RASAL2: variants seen among roughly 807,000 people sequenced by gnomAD.
RASAL2 encodes the protein RAS protein activator like 2.
RASAL2 carries 58 observed loss-of-function variants against 128.9 expected under a neutral mutation model. The observed-to-expected ratio is 0.45, with a 90% CI of 0.36 to 0.56. The LOEUF (loss-of-function observed/expected upper bound fraction) is 0.56, where lower values mean the gene tolerates loss of function less well. Among genes scored for constraint, RASAL2 ranks in the 20% least tolerant of loss-of-function variants. The pLI is 0.00. For missense variants in RASAL2, 1,360 were observed against 1,601.6 expected, an observed-to-expected ratio of 0.85 and a Z score of 2.57; for synonymous variants, 561 against 580.8, an observed-to-expected ratio of 0.97 and a Z score of 0.49.
chr1:178,144,976 G>A (rs1319776214), intron 1 of RASAL2, among the ~76,000 whole-genome samples: 2 of 152,158 alleles, frequency 1.3e-5, no homozygotes, highest in Non-Finnish European at 2.9e-5. Context: ...GATGTAGTAA[G>A]TTTAACATCT....
intron 3 of RASAL2, among the ~76,000 whole-genome samples, chr1:178,343,277 A>T (rs150893127): frequency 6.6e-6 from 1 of 152,208 alleles, no homozygotes; most frequent in African/African-American, 2.4e-5. Context: ...CCTCTCGGCT[A>T]TATCGGAAAC....
intron 5 of RASAL2, among the ~76,000 whole-genome samples, chr1:178,429,105 C>T (rs1437273950): frequency 6.6e-6 from 1 of 152,046 alleles, no homozygotes; most frequent in Non-Finnish European, 1.5e-5. Flanking sequence ...GTTTCATTGA[C>T]TCTGACAGAT....
intron 1 of RASAL2, among the ~76,000 whole-genome samples, chr1:178,157,111 A>G (rs1285368106): frequency 1.3e-5 from 2 of 152,160 alleles, no homozygotes; most frequent in Admixed American, 6.5e-5. Context: ...AAAACATTAT[A>G]TATTGACTTC....
chr1:178,288,891 T>A (rs939369927), intron 2 of RASAL2, among the ~76,000 whole-genome samples: 135 of 152,130 alleles, frequency 8.9e-4, no homozygotes, highest in African/African-American at 3.1e-3. Flanking sequence ...CCTCAGGTGA[T>A]CCACCCGCCT....
intron 3 of RASAL2, among the ~76,000 whole-genome samples, chr1:178,361,220 C>T (rs779104466): frequency 6.6e-6 from 1 of 152,058 alleles, no homozygotes; most frequent in Non-Finnish European, 1.5e-5. Flanking sequence ...TGTCCAACTA[C>T]AGCCGAATTT....
chr1:178,120,143 C>T (rs931941770), intron 1 of RASAL2, among the ~76,000 whole-genome samples: 4 of 152,126 alleles, frequency 2.6e-5, no homozygotes, highest in East Asian at 1.9e-4. Context: ...CTCCATGTGG[C>T]GAAGCAGTGT....
intron 1 of RASAL2, among the ~76,000 whole-genome samples, chr1:178,241,758 T>G (rs560275590): frequency 6.6e-6 from 1 of 152,336 alleles, no homozygotes; most frequent in African/African-American, 2.4e-5. Context: ...TACTCTTCAT[T>G]TGGCTGTTAA....
intron 1 of RASAL2, among the ~76,000 whole-genome samples, chr1:178,104,621 G>A (rs1337395578): frequency 6.6e-6 from 1 of 152,128 alleles, no homozygotes; most frequent in Non-Finnish European, 1.5e-5. Flanking sequence ...CCTCTAGTAT[G>A]TGAAATATGG....
intron 4 of RASAL2, among the ~76,000 whole-genome samples, chr1:178,407,903 G>A (rs1674094104): frequency 6.6e-6 from 1 of 152,172 alleles, no homozygotes; most frequent in African/African-American, 2.4e-5. Flanking sequence ...CTCATTCACA[G>A]CTAGCCGAGT....
At chr1:178,221,046 C>G (rs967254642) in intron 1 of RASAL2, among the ~76,000 whole-genome samples, 7 of 152,188 alleles carry the variant, frequency 4.6e-5, no homozygotes, top group African/African-American at 1.7e-4. Context: ...ACCAGCAGTG[C>G]ATGAGAGTTC....
chr1:178,289,533 T>C (rs1667183040), intron 2 of RASAL2, among the ~76,000 whole-genome samples: 2 of 152,156 alleles, frequency 1.3e-5, no homozygotes, highest in African/African-American at 4.8e-5. Context: ...CAAACTGGTC[T>C]GTAACTCTTG....
At chr1:178,176,909 C>T (rs1365170172) in intron 1 of RASAL2, among the ~76,000 whole-genome samples, 1 of 151,934 alleles carries the variant, frequency 6.6e-6, no homozygotes, top group African/African-American at 2.4e-5. Context: ...CACAGCCTCC[C>T]AAAGAGCTGG....
intron 1 of RASAL2, among the ~76,000 whole-genome samples, chr1:178,263,402 G>T (rs1665787083): frequency 6.6e-6 from 1 of 152,132 alleles, no homozygotes; most frequent in African/African-American, 2.4e-5. Context: ...GAAAACTGGA[G>T]CTCTAAGAAG....
chr1:178,129,647 A>G (rs1660028547), intron 1 of RASAL2, among the ~76,000 whole-genome samples: 1 of 152,028 alleles, frequency 6.6e-6, no homozygotes, highest in Admixed American at 6.5e-5. Flanking sequence ...ATCATATCTA[A>G]GAACTCAGCT....
At chr1:178,366,678 A>G (rs1671422041) in intron 3 of RASAL2, among the ~76,000 whole-genome samples, 1 of 150,708 alleles carries the variant, frequency 6.6e-6, no homozygotes, top group African/African-American at 2.4e-5. Flanking sequence ...CTTGTACACA[A>G]ATTGTTCATG....
Position 178,094,373 on chromosome 1 carries a change from C to T in RASAL2, c.-120C>T, listed in dbSNP as rs1364646537. ...GGTGAGAGGTGTCCGCGCCGGCTGC[C>T]GCTCGGGTCCCTGCCCTCGCTGCGC... On this transcript the variant is annotated 5_prime_UTR_variant, in exon 1 of 18. Transcript: ENST00000367649. 5.2e-6 allele frequency: 5 copies of T among 969,424 alleles called. No individual in the cohort carries two copies. Among genetic ancestry groups the T allele is most frequent in the Admixed American group, 3.4e-5 (1 of 29,320 alleles). 60.1% of individuals were successfully genotyped at this position (969,424 alleles called of 1,614,324 possible). A position where few individuals can be genotyped will look rare whatever the true frequency, so the allele number is the denominator to read the frequency against.
chr1:178,104,728 A>T (rs1353200086), intron 1 of RASAL2, among the ~76,000 whole-genome samples: 1 of 152,186 alleles, frequency 6.6e-6, no homozygotes, highest in Non-Finnish European at 1.5e-5. Flanking sequence ...TACTTAGCAC[A>T]TATTAAATGC....
intron 1 of RASAL2, among the ~76,000 whole-genome samples, chr1:178,099,138 CAGTG>C (rs1658799031): frequency 6.6e-6 from 1 of 152,188 alleles, no homozygotes; most frequent in Non-Finnish European, 1.5e-5. Context: ...AGAAGAAAAT[CAGTG>C]AGTGTGTATA....
At chr1:178,152,631 C>G (rs1420667706) in intron 1 of RASAL2, among the ~76,000 whole-genome samples, 1 of 152,098 alleles carries the variant, frequency 6.6e-6, no homozygotes, top group Non-Finnish European at 1.5e-5. Flanking sequence ...GGCCACTGCA[C>G]TCTAGCCTGG....
Sources: gnomAD v4.1 joint callset for allele counts (sites outside exome capture counted in the v4.1 genomes callset) on GRCh38, gnomAD v4.1.1 for gene constraint, MANE v1.5 for transcripts, NCBI Gene and HGNC (gene_info 2026-07-23, HGNC 2026-07-21) for gene names.